Variants in ACOXL observed in about 807,000 individuals in gnomAD.
ACOXL encodes the protein acyl-coenzyme A oxidase-like protein.
In ACOXL, 70 loss-of-function variants were observed where a neutral mutation model predicts 71.9. The ratio of observed to expected loss-of-function variants is 0.97; its 90% CI spans 0.80 to 1.19. ACOXL has a LOEUF of 1.19. Ranked by LOEUF, ACOXL falls within the 50% of genes most tolerant of loss-of-function variation. The probability of loss-of-function intolerance (pLI) is 0.00; values close to 1 mark genes in which losing one functional copy is unlikely to be tolerated. For missense variants in ACOXL, 703 were observed against 736.3 expected (o/e 0.95, Z 0.52); for synonymous variants, 253 against 281.6 (o/e 0.90, Z 1.02).
chr2:110,827,017 C>T (rs1343820491), intron 9 of ACOXL, among the ~76,000 whole-genome samples: 2 of 152,066 alleles, frequency 1.3e-5, no homozygotes, highest in Non-Finnish European at 2.9e-5. Flanking sequence ...GTTGGCTGCC[C>T]GAGCCCAGGG....
chr2:110,840,610 C>T (rs961760578), intron 9 of ACOXL, among the ~76,000 whole-genome samples: 1 of 152,178 alleles, frequency 6.6e-6, no homozygotes, highest in African/African-American at 2.4e-5. Flanking sequence ...CTTGTAATCC[C>T]TTCTGTGAAC....
At chr2:111,029,552 T>G (rs1461518284) in intron 14 of ACOXL, among the ~76,000 whole-genome samples, 1 of 152,196 alleles carries the variant, frequency 6.6e-6, no homozygotes, top group Non-Finnish European at 1.5e-5. Flanking sequence ...CGCAGTTGGC[T>G]TCAGCCTCTT....
At chr2:111,111,483 T>C (rs2069956030) in intron 17 of ACOXL, among the ~76,000 whole-genome samples, 1 of 152,236 alleles carries the variant, frequency 6.6e-6, no homozygotes, top group Non-Finnish European at 1.5e-5. Context: ...TTCATGTAAA[T>C]GCCTTTGTCT....
rs1213326533 is a variant in ACOXL at position 110,732,602 on chromosome 2, C to G, written c.-195C>G. On this transcript the variant is annotated 5_prime_UTR_variant, in exon 1 of 18. Transcript: ENST00000439055. Reference sequence around the variant, plus strand: ...GCTGGGAGCTGGAGGAGGCGCGGAGCGAAGCCGGCCCTGCCAGCCACGCGG... The same window carrying G: ...GCTGGGAGCTGGAGGAGGCGCGGAGGGAAGCCGGCCCTGCCAGCCACGCGG... 3.3e-5 allele frequency: 5 copies of G among 152,944 alleles called. 1 individual carries two copies. Among genetic ancestry groups the G allele is most frequent in the Admixed American group, 1.3e-4 (2 of 15,294 alleles). The allele number at this position is 152,944 out of a possible 1,614,324, so 9.5% of individuals were successfully genotyped here. A position where few individuals can be genotyped will look rare whatever the true frequency, so the allele number is the denominator to read the frequency against.
At chr2:110,769,047 A>G (rs1681512736) in intron 2 of ACOXL, among the ~76,000 whole-genome samples, 1 of 151,968 alleles carries the variant, frequency 6.6e-6, no homozygotes, top group Admixed American at 6.6e-5. Context: ...AAGTAATAAA[A>G]TATTTGTACA....
intron 11 of ACOXL, among the ~76,000 whole-genome samples, chr2:110,918,126 G>A (rs1399182017): frequency 1.3e-5 from 2 of 152,164 alleles, no homozygotes; most frequent in Non-Finnish European, 2.9e-5. Flanking sequence ...AAAGAACAAA[G>A]CTGGAGGCAT....
At chr2:110,963,507 A>G (rs1033065052) in intron 12 of ACOXL, 141 of 1,326,604 alleles carry the variant, frequency 1.1e-4, no homozygotes, top group Non-Finnish European at 1.2e-4. Flanking sequence ...TTTTCTGTAT[A>G]TTTTTTAATT....
intron 1 of ACOXL, among the ~76,000 whole-genome samples, chr2:110,757,934 A>G (rs1253919225): frequency 6.6e-6 from 1 of 151,954 alleles, no homozygotes. Context: ...TGTTGCAGTC[A>G]TTTTTGGTGT....
chr2:111,092,081 T>A (rs2068554513), intron 16 of ACOXL, among the ~76,000 whole-genome samples: 1 of 152,202 alleles, frequency 6.6e-6, no homozygotes, highest in Non-Finnish European at 1.5e-5. Context: ...CACAGTGAGA[T>A]ATTTGTGGGT....
rs957950400 is a variant in ACOXL at position 110,756,927 on chromosome 2, T to A, written c.-22-11441T>A. 2.0e-5 allele frequency among the ~76,000 whole-genome samples: 3 copies of A among 152,198 alleles called. No individual in the cohort carries two copies. The South Asian group carries it at 6.2e-4, about 32-fold the overall frequency. ...CTTTTTTTAAATTCAGGGGTACATGTGCAGGATGTGCACATTTGTTACATA... is the reference window on the plus strand; with the variant it reads ...CTTTTTTTAAATTCAGGGGTACATGAGCAGGATGTGCACATTTGTTACATA... On this transcript the variant is annotated intron_variant, in intron 1 of 17. Coordinates refer to ENST00000439055, the MANE Select transcript of ACOXL (RefSeq NM_001142807.4).
intron 10 of ACOXL, among the ~76,000 whole-genome samples, chr2:110,859,605 G>A (rs1331929338): frequency 1.3e-5 from 2 of 152,190 alleles, no homozygotes; most frequent in Non-Finnish European, 2.9e-5. Context: ...GACGGCAGCC[G>A]GCTGCATGGA....
At chr2:110,843,392 C>T (rs1691414157) in intron 10 of ACOXL, among the ~76,000 whole-genome samples, 2 of 152,200 alleles carry the variant, frequency 1.3e-5, no homozygotes, top group African/African-American at 4.8e-5. Flanking sequence ...GGCAGGGAAG[C>T]CCAGCTGACT....
intron 14 of ACOXL, among the ~76,000 whole-genome samples, chr2:111,029,531 A>C (rs2065169445): frequency 6.6e-6 from 1 of 152,228 alleles, no homozygotes; most frequent in African/African-American, 2.4e-5. Context: ...CGTGAGGATC[A>C]CTGTGAAGCC....
intron 14 of ACOXL, among the ~76,000 whole-genome samples, chr2:110,999,903 A>G (rs2063546629): frequency 6.6e-6 from 1 of 152,200 alleles, no homozygotes; most frequent in Non-Finnish European, 1.5e-5. Flanking sequence ...ACCATCAAGC[A>G]GCTTCTGGAT....
chr2:110,947,552 CT>C (rs1339992729), intron 12 of ACOXL, among the ~76,000 whole-genome samples: 1 of 152,166 alleles, frequency 6.6e-6, no homozygotes, highest in African/African-American at 2.4e-5. Context: ...ATTCTCTTTC[CT>C]TTCCCTTTTG....
intron 1 of ACOXL, among the ~76,000 whole-genome samples, chr2:110,758,769 G>C (rs921092826): frequency 3.3e-5 from 5 of 152,088 alleles, no homozygotes; most frequent in African/African-American, 1.2e-4. Flanking sequence ...TGAGATGTTA[G>C]GTTGTTAACT....
chr2:111,038,021 T>C (rs1465167750), intron 15 of ACOXL, among the ~76,000 whole-genome samples: 16 of 152,186 alleles, frequency 1.1e-4, no homozygotes, highest in Non-Finnish European at 1.8e-4. Context: ...GAGGATTAAA[T>C]GAAATAACAT....
At chr2:110,978,336 A>G (rs1234585464) in intron 12 of ACOXL, among the ~76,000 whole-genome samples, 1 of 152,222 alleles carries the variant, frequency 6.6e-6, no homozygotes, top group African/African-American at 2.4e-5. Context: ...CGCATCCACA[A>G]GGGAGGAGCC....
intron 16 of ACOXL, among the ~76,000 whole-genome samples, chr2:111,078,435 TG>T (rs1328442260): frequency 6.6e-6 from 1 of 152,116 alleles, no homozygotes; most frequent in Non-Finnish European, 1.5e-5. Flanking sequence ...AGCTAATTTT[TG>T]TATTCTAAGT....
Sources: allele counts gnomAD v4.1 joint callset (sites outside exome capture counted in the v4.1 genomes callset), GRCh38; gene constraint gnomAD v4.1.1; transcripts MANE v1.5; gene names NCBI Gene and HGNC (gene_info 2026-07-23, HGNC 2026-07-21).